EXOC6: variants seen among roughly 807,000 people sequenced by gnomAD.
EXOC6 encodes the protein exocyst complex component 6.
EXOC6 carries 60 observed loss-of-function variants against 112.5 expected under a neutral mutation model. The ratio of observed to expected loss-of-function variants is 0.53; its 90% CI spans 0.43 to 0.66. EXOC6 has a LOEUF of 0.66. Ranked by LOEUF, EXOC6 falls within the 30% of genes least tolerant of loss-of-function variation. EXOC6 has a pLI of 0.00. For synonymous variants in EXOC6, 295 were observed against 308.0 expected (o/e 0.96, Z 0.44); for missense variants, 855 against 957.1 (o/e 0.89, Z 1.41).
intron 19 of EXOC6, among the ~76,000 whole-genome samples, chr10:93,007,517 G>T (rs1004211261): frequency 1.3e-5 from 2 of 152,062 alleles, no homozygotes; most frequent in African/African-American, 4.8e-5. Flanking sequence ...GCTGGGTGTG[G>T]TGGCACATGC....
At chr10:92,921,971 A>C (rs913634060) in intron 8 of EXOC6, among the ~76,000 whole-genome samples, 1 of 151,758 alleles carries the variant, frequency 6.6e-6, no homozygotes, top group African/African-American at 2.4e-5. Context: ...TTTGAGACAG[A>C]GTCTTGCTCT....
chr10:93,034,511 A>G (rs1355908571), intron 20 of EXOC6, among the ~76,000 whole-genome samples: 1 of 152,208 alleles, frequency 6.6e-6, no homozygotes, highest in Non-Finnish European at 1.5e-5. Flanking sequence ...ATAAACATAC[A>G]CTTGTATTTG....
At chr10:92,954,142 TG>T (rs1251331779) in intron 15 of EXOC6, among the ~76,000 whole-genome samples, 4 of 152,088 alleles carry the variant, frequency 2.6e-5, no homozygotes, top group Non-Finnish European at 5.9e-5. Context: ...TAGCTGGGCA[TG>T]GTGGCATGCA....
intron 1 of EXOC6, among the ~76,000 whole-genome samples, chr10:92,857,374 CT>C (rs1407771340): frequency 1.3e-5 from 2 of 151,890 alleles, no homozygotes; most frequent in East Asian, 3.9e-4. Context: ...CCTTCTTTCC[CT>C]TTTTTTGTGT....
intron 6 of EXOC6, among the ~76,000 whole-genome samples, chr10:92,912,892 A>G (rs541606141): frequency 4.6e-5 from 7 of 152,274 alleles, no homozygotes; most frequent in Non-Finnish European, 1.0e-4. Context: ...ATCCATTTAT[A>G]GGCTCTTCAC....
At chr10:92,964,397 T>A (rs932200271) in intron 17 of EXOC6, among the ~76,000 whole-genome samples, 4 of 152,146 alleles carry the variant, frequency 2.6e-5, no homozygotes, top group African/African-American at 9.7e-5. Context: ...TTGGATGCTA[T>A]ATGCAGTGTA....
At chr10:92,967,292 A>G (rs1842109901) in intron 17 of EXOC6, among the ~76,000 whole-genome samples, 1 of 152,074 alleles carries the variant, frequency 6.6e-6, no homozygotes, top group African/African-American at 2.4e-5. Flanking sequence ...TTTTAGTGTG[A>G]TGGTGTGAAT....
At chr10:93,055,897 A>T (rs535331472) in intron 20 of EXOC6, among the ~76,000 whole-genome samples, 1 of 152,260 alleles carries the variant, frequency 6.6e-6, no homozygotes, top group Non-Finnish European at 1.5e-5. Flanking sequence ...ACCTTTCTTT[A>T]TGAGGTTTTA....
intron 19 of EXOC6, among the ~76,000 whole-genome samples, chr10:93,006,939 C>T (rs1158336618): frequency 2.0e-5 from 3 of 152,106 alleles, no homozygotes; most frequent in Admixed American, 6.6e-5. Flanking sequence ...AGTCTTTTGT[C>T]AAGCTTCTGA....
chr10:92,831,240 G>A (rs1406483062), upstream of EXOC6: 18 of 898,206 alleles, frequency 2.0e-5, no homozygotes, highest in Non-Finnish European at 2.5e-5. Context: ...GGAGAGCTGA[G>A]GAGCAGAGGG....
chr10:92,880,980 A>G (rs1433929772), intron 1 of EXOC6, among the ~76,000 whole-genome samples: 2 of 152,204 alleles, frequency 1.3e-5, no homozygotes, highest in African/African-American at 4.8e-5. Flanking sequence ...TTAGGAATTC[A>G]GGAAAGACTT....
chr10:92,870,884 A>G (rs1431006908), intron 1 of EXOC6, among the ~76,000 whole-genome samples: 6 of 151,844 alleles, frequency 4.0e-5, no homozygotes, highest in South Asian at 2.1e-4. Context: ...TAATTTTTGT[A>G]TTTGTAGTAG....
At chr10:92,954,581 A>G (rs752639104) in intron 15 of EXOC6, 49 bp from the exon 16 acceptor site, 13 of 900,428 alleles carry the variant, frequency 1.4e-5, no homozygotes, top group Middle Eastern at 2.9e-4. Context: ...ATGTTAACTA[A>G]CCACATTCAT....
At position 93,031,839 on chromosome 10, in the gene EXOC6, C is replaced by CATA. The variant is rs541311928; in HGVS notation, c.2169+17576_2169+17578dup. Among the ~76,000 whole-genome samples the CATA allele has an allele frequency of 6.3e-3, 960 of 152,178 alleles. 5 individuals are homozygous for CATA. Among genetic ancestry groups the CATA allele is most frequent in the Non-Finnish European group, 0.011 (736 of 67,982 alleles). On this transcript the variant is annotated intron_variant, in intron 20 of 21. Coordinates refer to ENST00000260762, the MANE Select transcript of EXOC6 (RefSeq NM_019053.6). ...CATGCCATTTTTAAAAGAGGCACCC[C>CATA]ATAATACTACCCCTCACTTCATAGA...
chr10:92,997,488 G>A lies in EXOC6; in HGVS notation c.1968G>A (p.Gln656=), dbSNP rs34159839. Residue 656 remains glutamine, a synonymous_variant, in exon 19 of 22, where the codon CAG becomes CAA. Coordinates refer to ENST00000260762, the MANE Select transcript of EXOC6 (RefSeq NM_019053.6). The part of the protein sequence containing the change: ...VFTHLPGKVA[Q]TACMSACQHL... ...GTTTTAAACAGGGGAAAGTTGCTCA[G>A]ACAGCTTGCATGTCAGCCTGCCAGC... 13,154 of 1,611,146 alleles carry A rather than the reference G, an allele frequency of 8.2e-3. 67 individuals are homozygous for A. Among genetic ancestry groups the A allele is most frequent in the Middle Eastern group, 0.02 (121 of 6,048 alleles).
In EXOC6 at chr10:92,867,881, C is replaced by CT. The variant is rs202071088; in HGVS notation, c.101+19250dup. Among the ~76,000 whole-genome samples, 858 of 152,232 alleles carry CT rather than the reference C, an allele frequency of 5.6e-3. 6 individuals are homozygous for CT. Among genetic ancestry groups the CT allele is most frequent in the African/African-American group, 0.017 (711 of 41,550 alleles). On this transcript the variant is annotated intron_variant, in intron 1 of 21. Coordinates refer to ENST00000260762, the MANE Select transcript of EXOC6 (RefSeq NM_019053.6). ...CAAGAGTCATTTGCATTAGTATCAG[C>CT]TTTCTACAATTTATAAAGTTGTAAA... is the stretch of plus-strand genomic sequence containing the variant.
At chr10:92,855,427 A>T (rs1202670243) in intron 1 of EXOC6, among the ~76,000 whole-genome samples, 2 of 152,194 alleles carry the variant, frequency 1.3e-5, no homozygotes, top group African/African-American at 4.8e-5. Context: ...CTGGCCTTAT[A>T]GAATGAGTTA....
At chr10:92,975,680 A>T (rs377181899) in intron 18 of EXOC6, among the ~76,000 whole-genome samples, 7 of 90,110 alleles carry the variant, frequency 7.8e-5, no homozygotes, top group Admixed American at 2.9e-4. Flanking sequence ...TCTGCCCGGC[A>T]GCCCCTACTG....
At chr10:93,004,360 A>G (rs375620933) in intron 19 of EXOC6, among the ~76,000 whole-genome samples, 1 of 152,210 alleles carries the variant, frequency 6.6e-6, no homozygotes. Context: ...GTAACAAATC[A>G]GGAACTCTCT....
Sources: gnomAD v4.1 joint callset for allele counts (sites outside exome capture counted in the v4.1 genomes callset) on GRCh38, gnomAD v4.1.1 for gene constraint, MANE v1.5 for transcripts, NCBI Gene and HGNC (gene_info 2026-07-23, HGNC 2026-07-21) for gene names.